The following TANC2 variants were observed in gnomAD, a reference collection of about 807,000 sequenced individuals.
TANC2 encodes the protein protein TANC2.
Under a neutral mutation model 210.5 loss-of-function variants are expected in TANC2, and 26 were observed. The ratio of observed to expected loss-of-function variants is 0.12; its 90% confidence interval spans 0.09 to 0.17. TANC2 has a LOEUF of 0.17. Ranked by LOEUF, TANC2 falls within the 10% of genes least tolerant of loss-of-function variation. TANC2 has a pLI of 1.00. For synonymous variants in TANC2, 931 were observed against 967.1 expected (o/e 0.96, Z 0.69); for missense variants, 2,129 against 2,608.9 (o/e 0.82, Z 4.01).
intron 12 of TANC2, among the ~76,000 whole-genome samples, chr17:63,342,977 A>C (rs529172019): frequency 6.6e-6 from 1 of 152,190 alleles, no homozygotes; most frequent in Admixed American, 6.5e-5. Flanking sequence ...CCCTTAAATC[A>C]CCATTGTGAG....
intron 9 of TANC2, among the ~76,000 whole-genome samples, chr17:63,302,522 T>A (rs2044751470): frequency 6.6e-6 from 1 of 151,946 alleles, no homozygotes; most frequent in African/African-American, 2.4e-5. Context: ...TTTACCATTA[T>A]GTAATGCCCC....
At chr17:63,321,062 G>A (rs1288114884) in intron 11 of TANC2, among the ~76,000 whole-genome samples, 2 of 152,088 alleles carry the variant, frequency 1.3e-5, no homozygotes, top group Non-Finnish European at 2.9e-5. Flanking sequence ...GCCAGGTGTG[G>A]TAGCATGTGC....
At position 63,417,627 on chromosome 17, in the gene TANC2, G is replaced by A. The variant is rs570119898; in HGVS notation, c.4168-680G>A. ...AGCCTCTGTGAAATAGAAAGAAAAC[G>A]ATAATTAATGAGCACCTACTATGTG... On this transcript the variant is annotated intron_variant, in intron 26 of 27. Coordinates refer to ENST00000689528, the Ensembl canonical transcript of TANC2. Among the ~76,000 whole-genome samples, 5 of 152,272 alleles carry A rather than the reference G, an allele frequency of 3.3e-5. No individual in the cohort carries two copies. The East Asian group carries it at 5.8e-4, about 18-fold the overall frequency.
At chr17:63,192,106 T>A (rs1567802054) in intron 5 of TANC2, among the ~76,000 whole-genome samples, 1 of 152,196 alleles carries the variant, frequency 6.6e-6, no homozygotes, top group Non-Finnish European at 1.5e-5. Context: ...CAAATGTAAT[T>A]GCCAAAGATA....
At chr17:62,983,839 C>G (rs1465955404) in intron 1 of TANC2, among the ~76,000 whole-genome samples, 1 of 151,998 alleles carries the variant, frequency 6.6e-6, no homozygotes, top group African/African-American at 2.4e-5. Flanking sequence ...GGTGTATTAT[C>G]TTTTTGATGT....
rs183000399 is a variant in TANC2, at chr17:63,038,798, C to T, written c.67+29172C>T. Among the ~76,000 whole-genome samples, 44 of 152,204 alleles carry T rather than the reference C, an allele frequency of 2.9e-4. 2 individuals are homozygous for T. The highest frequency in any genetic ancestry group is 1.0e-3 in the African/African-American group (43 of 41,544). On this transcript the variant is annotated intron_variant, in intron 2 of 27. Transcript: ENST00000689528. ...AAGACCAGGCTGTGCTATAGAATAACTTTATGACCTTGGGAAAGGTACTTT... is the reference window on the plus strand; with the variant it reads ...AAGACCAGGCTGTGCTATAGAATAATTTTATGACCTTGGGAAAGGTACTTT...
intron 26 of TANC2, among the ~76,000 whole-genome samples, chr17:63,417,023 T>G (rs547668007): frequency 6.6e-6 from 1 of 152,356 alleles, no homozygotes; most frequent in East Asian, 1.9e-4. Context: ...TGCCCTCATA[T>G]TTTTAGGAAT....
chr17:63,234,446 G>T (rs937296191), intron 7 of TANC2, among the ~76,000 whole-genome samples: 1 of 152,118 alleles, frequency 6.6e-6, no homozygotes, highest in Non-Finnish European at 1.5e-5. Flanking sequence ...GAAGAATGAG[G>T]CCGATTATTT....
In TANC2 at chr17:63,354,487, T is replaced by C. The variant is rs114174329; in HGVS notation, c.1975-296T>C. 8.2e-3 allele frequency among the ~76,000 whole-genome samples: 1,252 copies of C among 152,296 alleles called. 14 individuals carry two copies. Among genetic ancestry groups the C allele is most frequent in the African/African-American group, 0.027 (1,140 of 41,558 alleles). ...AAATTACAGCAAAAGAGTTATACAG[T>C]GCTCCGTTTTCTATTTATTTCAGGA... On this transcript the variant is annotated intron_variant, in intron 13 of 27. Transcript: ENST00000689528.
intron 7 of TANC2, among the ~76,000 whole-genome samples, chr17:63,223,726 C>A (rs970286501): frequency 2.0e-5 from 3 of 151,994 alleles, no homozygotes; most frequent in Non-Finnish European, 2.9e-5. Context: ...GTCATGGCGG[C>A]AGTGGAGTGT....
At chr17:63,015,216 T>C (rs549691798) in intron 2 of TANC2, among the ~76,000 whole-genome samples, 68 of 152,196 alleles carry the variant, frequency 4.5e-4, no homozygotes, top group African/African-American at 1.6e-3. Context: ...ATTATCTGTC[T>C]TAATTTGTCT....
intron 9 of TANC2, among the ~76,000 whole-genome samples, chr17:63,292,904 A>C (rs1299112609): frequency 6.6e-6 from 1 of 152,184 alleles, no homozygotes; most frequent in African/African-American, 2.4e-5. Flanking sequence ...TTGCACAGAG[A>C]TACGATGCAA....
intron 1 of TANC2, among the ~76,000 whole-genome samples, chr17:62,991,656 A>G (rs1448081529): frequency 1.3e-5 from 2 of 151,916 alleles, no homozygotes; most frequent in Non-Finnish European, 2.9e-5. Flanking sequence ...AAAAAAAACA[A>G]AAAAACAAAC....
At chr17:63,077,103 T>C (rs138169198) in intron 3 of TANC2, among the ~76,000 whole-genome samples, 2,709 of 152,162 alleles carry the variant, frequency 0.018, 35 homozygotes, top group South Asian at 0.025. Context: ...TGTGGTGAAA[T>C]TTGAAATCAC....
intron 8 of TANC2, among the ~76,000 whole-genome samples, chr17:63,245,842 CAAAAAAA>C (rs60766720): frequency 1.1e-5 from 1 of 91,378 alleles, no homozygotes; most frequent in Non-Finnish European, 2.3e-5. Flanking sequence ...GACTCCTTAT[CAAAAAAA>C]AAAAAAAAAA....
exon 11 of TANC2, chr17:63,319,071 T>G: frequency 6.2e-7 from 1 of 1,613,174 alleles, no homozygotes. Context: ...GAGGAGGCTA[T>G]GCGAAGACTA....
chr17:63,194,068 C>T, exon 6 of TANC2: 1 of 1,613,288 alleles, frequency 6.2e-7, no homozygotes, highest in Non-Finnish European at 8.5e-7. Context: ...TCTGGGTTTC[C>T]TCCTTGGAGA....
intron 9 of TANC2, among the ~76,000 whole-genome samples, chr17:63,274,286 G>C (rs925550302): frequency 1.3e-5 from 2 of 151,556 alleles, no homozygotes; most frequent in Non-Finnish European, 2.9e-5. Context: ...CCAGAAACCC[G>C]GCCCAACGGG....
chr17:63,112,355 C>CACTT (rs2145045353), intron 4 of TANC2, among the ~76,000 whole-genome samples: 2 of 152,158 alleles, frequency 1.3e-5, no homozygotes, highest in African/African-American at 4.8e-5. Context: ...CCTGTTAATC[C>CACTT]AAGGGAATCT....
Sources: gnomAD v4.1 joint callset for allele counts (sites outside exome capture counted in the v4.1 genomes callset) on GRCh38, gnomAD v4.1.1 for gene constraint, MANE v1.5 for transcripts, NCBI Gene and HGNC (gene_info 2026-07-23, HGNC 2026-07-21) for gene names.